Variants in RORA observed in about 807,000 individuals in gnomAD.
RORA encodes the protein nuclear receptor ROR-alpha.
Under a neutral mutation model 69.5 loss-of-function variants are expected in RORA, and 7 were observed. The observed-to-expected ratio is 0.10, with a 90% confidence interval of 0.06 to 0.19. The LOEUF is 0.19. RORA is among the 10% of genes least tolerant of loss of function. The pLI, the probability that RORA is intolerant of heterozygous loss-of-function variation, is 1.00. For synonymous variants in RORA, 261 were observed against 240.8 expected (o/e 1.08, Z -0.78); for missense variants, 457 against 663.0 (o/e 0.69, Z 3.41).
intron 1 of RORA, among the ~76,000 whole-genome samples, chr15:60,995,570 C>T (rs753986025): frequency 2.7e-5 from 4 of 149,312 alleles, no homozygotes; most frequent in Non-Finnish European, 5.9e-5. Flanking sequence ...AAGCCTATAG[C>T]ACAAGGTCTC....
rs1429698180 is a variant in RORA at position 60,716,314 on chromosome 15, T to C, written c.167-37628A>G. 2.6e-5 allele frequency among the ~76,000 whole-genome samples: 4 copies of C among 152,198 alleles called. No homozygotes were observed. The East Asian group carries it at 7.7e-4, about 29-fold the overall frequency. ...GCCATATTCCCTGTGAATCTTCCCC[T>C]CCTTCAGAGATACCGCCTTTTGTAT... On this transcript the variant is annotated intron_variant, in intron 1 of 10. Coordinates refer to ENST00000335670, the MANE Select transcript of RORA (RefSeq NM_134261.3).
At chr15:61,096,862 G>T (rs2078798279) in intron 1 of RORA, among the ~76,000 whole-genome samples, 3 of 152,176 alleles carry the variant, frequency 2.0e-5, no homozygotes, top group African/African-American at 7.2e-5. Flanking sequence ...CTTCTCTCTG[G>T]TGCAGCGCTT....
chr15:60,584,735 G>GA (rs999575680), intron 2 of RORA, among the ~76,000 whole-genome samples: 2 of 151,422 alleles, frequency 1.3e-5, no homozygotes, highest in Non-Finnish European at 2.9e-5. Flanking sequence ...AAAAGAAGGA[G>GA]AAAAAAAACC....
At chr15:60,972,618 G>GA (rs1228575277) in intron 1 of RORA, among the ~76,000 whole-genome samples, 3 of 151,924 alleles carry the variant, frequency 2.0e-5, no homozygotes, top group Non-Finnish European at 4.4e-5. Context: ...AGTCTTTGGA[G>GA]AAAAAAAATG....
At chr15:60,879,307 T>C (rs563521660) in intron 1 of RORA, among the ~76,000 whole-genome samples, 1 of 152,266 alleles carries the variant, frequency 6.6e-6, no homozygotes, top group South Asian at 2.1e-4. Flanking sequence ...TTTTCTTTTT[T>C]TAACCTTTCC....
intron 2 of RORA, among the ~76,000 whole-genome samples, chr15:60,550,728 G>A (rs2067207016): frequency 6.6e-6 from 1 of 152,160 alleles, no homozygotes; most frequent in South Asian, 2.1e-4. Flanking sequence ...CCAAGGGGAT[G>A]ATGAGGGAAA....
chr15:60,746,845 T>G (rs1225851902), intron 1 of RORA, among the ~76,000 whole-genome samples: 1 of 152,236 alleles, frequency 6.6e-6, no homozygotes, highest in Non-Finnish European at 1.5e-5. Flanking sequence ...TTCAACTTCA[T>G]GCTGTAGGTT....
Position 60,494,208 on chromosome 15 carries a change from A to G in RORA, c.*3247T>C, listed in dbSNP as rs1002477720. 6.6e-6 allele frequency: 1 copy of G among 152,182 alleles called. No homozygotes were observed. Among genetic ancestry groups the G allele is most frequent in the African/African-American group, 2.4e-5 (1 of 41,430 alleles). 9.4% of individuals were successfully genotyped at this position (152,182 alleles called of 1,614,324 possible). ...AAAAAAAATCCGTAGCTTTAACACA[A>G]TTTGCAAACTGTCCAAAAAGCACTT... On this transcript the variant is annotated 3_prime_UTR_variant, in exon 11 of 11. Coordinates refer to ENST00000335670, the MANE Select transcript of RORA (RefSeq NM_134261.3).
intron 2 of RORA, among the ~76,000 whole-genome samples, chr15:60,559,700 T>C (rs182034041): frequency 2.4e-3 from 365 of 152,356 alleles, no homozygotes; most frequent in Non-Finnish European, 3.4e-3. Context: ...GTGCAAGGAA[T>C]AGGACAATGA....
Position 60,571,199 on chromosome 15 carries a change from G to T in RORA, c.197-39348C>A, listed in dbSNP as rs77833549. Among the ~76,000 whole-genome samples, 454 of 151,912 alleles carry T rather than the reference G, an allele frequency of 3.0e-3. 4 individuals carry two copies. Among genetic ancestry groups the T allele is most frequent in the African/African-American group, 0.01 (432 of 41,404 alleles). On this transcript the variant is annotated intron_variant, in intron 2 of 10. Coordinates refer to ENST00000335670, the MANE Select transcript of RORA (RefSeq NM_134261.3). ...TAATTTCGATGTGCCTCCCACAGGA[G>T]ACCACAGCAAACAACAAGGATACAT...
intron 1 of RORA, among the ~76,000 whole-genome samples, chr15:61,219,014 C>T (rs1380355805): frequency 6.6e-6 from 1 of 152,146 alleles, no homozygotes; most frequent in African/African-American, 2.4e-5. Context: ...CAACTCTATA[C>T]CTATTAATAG....
chr15:60,528,898 T>C (rs372606650), intron 3 of RORA: 5 of 152,312 alleles, frequency 3.3e-5, no homozygotes, highest in South Asian at 4.1e-4. Flanking sequence ...GGATTTCAAC[T>C]CGGGCAGTCT....
intron 1 of RORA, among the ~76,000 whole-genome samples, chr15:60,811,112 G>A (rs1469280313): frequency 1.3e-5 from 2 of 152,196 alleles, no homozygotes; most frequent in Non-Finnish European, 2.9e-5. Flanking sequence ...CCCACTGTTT[G>A]CACACTGTCC....
chr15:60,652,039 C>T (rs1306179333), intron 2 of RORA, among the ~76,000 whole-genome samples: 1 of 152,068 alleles, frequency 6.6e-6, no homozygotes, highest in Non-Finnish European at 1.5e-5. Context: ...ACCAATTCTC[C>T]CTTCCCGCCT....
At chr15:60,602,663 A>T (rs1233442645) in intron 2 of RORA, among the ~76,000 whole-genome samples, 2 of 152,202 alleles carry the variant, frequency 1.3e-5, no homozygotes, top group Non-Finnish European at 2.9e-5. Flanking sequence ...ATCAACTAGA[A>T]CTACTGTAAA....
intron 2 of RORA, among the ~76,000 whole-genome samples, chr15:60,656,351 A>G (rs991981984): frequency 6.6e-6 from 1 of 152,240 alleles, no homozygotes; most frequent in Non-Finnish European, 1.5e-5. Context: ...GTTTGGAGGC[A>G]TACAAAAACA....
intron 1 of RORA, among the ~76,000 whole-genome samples, chr15:60,897,747 G>A (rs762260993): frequency 2.0e-5 from 3 of 152,216 alleles, no homozygotes; most frequent in Admixed American, 1.3e-4. Flanking sequence ...AAATGAAAGA[G>A]GATGAACCTG....
chr15:60,641,304 G>A (rs1257774722), intron 2 of RORA, among the ~76,000 whole-genome samples: 1 of 152,092 alleles, frequency 6.6e-6, no homozygotes. Flanking sequence ...CTGTACCTAG[G>A]AGGCCCTTGG....
At chr15:61,065,441 A>C (rs1489189370) in intron 1 of RORA, among the ~76,000 whole-genome samples, 1 of 152,076 alleles carries the variant, frequency 6.6e-6, no homozygotes, top group Non-Finnish European at 1.5e-5. Flanking sequence ...CTCTTTTCCA[A>C]CACTTCATGA....
Sources: gnomAD v4.1 joint callset for allele counts (sites outside exome capture counted in the v4.1 genomes callset) on GRCh38, gnomAD v4.1.1 for gene constraint, MANE v1.5 for transcripts, NCBI Gene and HGNC (gene_info 2026-07-23, HGNC 2026-07-21) for gene names.